Variants in VWA3B observed in about 807,000 individuals in gnomAD.
VWA3B encodes von Willebrand factor A domain containing 3B, also known as von Willebrand factor A domain-containing protein 3B.
Under a neutral mutation model 158.3 loss-of-function variants are expected in VWA3B, and 138 were observed. The observed-to-expected ratio is 0.87, with a 90% CI of 0.76 to 1.00. VWA3B has a LOEUF of 1.00. Ranked by LOEUF, VWA3B falls within the 50% of genes least tolerant of loss-of-function variation. The probability of loss-of-function intolerance (pLI) is 0.00; values close to 1 mark genes in which losing one functional copy is unlikely to be tolerated. For synonymous variants in VWA3B, 596 were observed against 587.3 expected (o/e 1.01, Z -0.21); for missense variants, 1,555 against 1,565.1 (o/e 0.99, Z 0.11).
intron 8 of VWA3B, among the ~76,000 whole-genome samples, chr2:98,166,803 C>T (rs1408177618): frequency 1.3e-5 from 2 of 151,414 alleles, no homozygotes; most frequent in Admixed American, 1.3e-4. Context: ...ATCTAATACA[C>T]ACACACACAC....
Position 98,184,632 on chromosome 2 carries a change from G to A in VWA3B, c.1312-3343G>A, listed in dbSNP as rs767169618. On this transcript the variant is annotated intron_variant, in intron 9 of 27. Transcript: ENST00000477737. ...CTGACTCCTAAAATCCCCCCACCCCGCCCTCTGGGCGCATCATCAGCAAAC... is the reference window on the plus strand; with the variant it reads ...CTGACTCCTAAAATCCCCCCACCCCACCCTCTGGGCGCATCATCAGCAAAC... Among the ~76,000 whole-genome samples, 10 of 152,136 alleles carry A rather than the reference G, an allele frequency of 6.6e-5. No homozygotes were observed. The East Asian group carries it at 1.2e-3, about 18-fold the overall frequency.
At chr2:98,236,293 T>C (rs1685671940) in intron 17 of VWA3B, 97 bp from the exon 18 acceptor site, 5 of 1,294,556 alleles carry the variant, frequency 3.9e-6, no homozygotes, top group Admixed American at 2.0e-5. Context: ...TTATTAGCTC[T>C]CAGTCACAGC....
intron 2 of VWA3B, among the ~76,000 whole-genome samples, chr2:98,108,030 G>A (rs1382809145): frequency 2.0e-5 from 3 of 151,846 alleles, no homozygotes. Context: ...CAGTGCTTTA[G>A]CAATGTCTCA....
At chr2:98,194,298 C>T in intron 11 of VWA3B, 63 bp from the exon 12 acceptor site, 1 of 1,545,690 alleles carries the variant, frequency 6.5e-7, no homozygotes, top group Non-Finnish European at 8.8e-7. Flanking sequence ...CAAACTGTGG[C>T]CTACCCAAAC....
chr2:98,213,919 G>A lies in VWA3B; in HGVS notation c.1836+1891G>A, dbSNP rs143056538. 1.2e-4 allele frequency among the ~76,000 whole-genome samples: 18 copies of A among 152,216 alleles called. 1 individual carries two copies. In the East Asian group the frequency reaches 3.5e-3, roughly 29 times the overall value. Reference sequence around the variant, plus strand: ...AAAAGGAGAAAATGTGGTTGGGTGGGGAGGCCCACTCCTGTAATCTCAACA... The same window carrying A: ...AAAAGGAGAAAATGTGGTTGGGTGGAGAGGCCCACTCCTGTAATCTCAACA... On this transcript the variant is annotated intron_variant, in intron 13 of 27. Transcript: ENST00000477737.
intron 25 of VWA3B, among the ~76,000 whole-genome samples, chr2:98,302,894 G>A (rs1401504622): frequency 1.3e-5 from 2 of 152,154 alleles, no homozygotes; most frequent in South Asian, 2.1e-4. Flanking sequence ...CAGAGCCAGC[G>A]GCCACTGGAG....
At chr2:98,123,731 C>T (rs796465746) in intron 5 of VWA3B, among the ~76,000 whole-genome samples, 71 of 152,208 alleles carry the variant, frequency 4.7e-4, no homozygotes, top group Non-Finnish European at 6.2e-4. Context: ...GTGTGTGGAC[C>T]GGCACAGAGT....
chr2:98,222,974 A>G lies in VWA3B; in HGVS notation c.2019+4946A>G, dbSNP rs116466671. Among the ~76,000 whole-genome samples the G allele has an allele frequency of 6.8e-3, 1,042 of 152,346 alleles. 10 individuals are homozygous for G. Among genetic ancestry groups the G allele is most frequent in the African/African-American group, 0.024 (993 of 41,572 alleles). On this transcript the variant is annotated intron_variant, in intron 14 of 27. Coordinates refer to ENST00000477737, the MANE Select transcript of VWA3B (RefSeq NM_144992.5). ...AAGAGCCAAGAAAGCCCCAATTTGA[A>G]TGAGAAATGACAAACAAATGATGCC...
intron 21 of VWA3B, among the ~76,000 whole-genome samples, chr2:98,267,154 G>A: frequency 2.0e-5 from 3 of 151,146 alleles, no homozygotes; most frequent in Non-Finnish European, 4.4e-5. Flanking sequence ...TCCAGTTTTT[G>A]CCCATTCAGT....
intron 7 of VWA3B, among the ~76,000 whole-genome samples, chr2:98,144,163 A>G (rs1676995165): frequency 6.6e-6 from 1 of 152,168 alleles, no homozygotes; most frequent in East Asian, 1.9e-4. Context: ...ATGGATGGAT[A>G]TATATGTATG....
intron 7 of VWA3B, among the ~76,000 whole-genome samples, chr2:98,138,790 G>A (rs919614299): frequency 2.0e-5 from 3 of 152,230 alleles, no homozygotes; most frequent in Non-Finnish European, 2.9e-5. Context: ...GTACGTGGCG[G>A]TTGTCTCAGC....
At chr2:98,206,560 T>C in intron 12 of VWA3B, 1 of 493,570 alleles carries the variant, frequency 2.0e-6, no homozygotes. Context: ...CTGTTGGTCC[T>C]GAGACTTTGA....
intron 9 of VWA3B, 130 bp downstream of exon 9, chr2:98,181,342 A>G (rs976948263): frequency 1.0e-6 from 1 of 988,012 alleles, no homozygotes; most frequent in South Asian, 1.7e-5. Context: ...TCTGTGAAGA[A>G]CAGGGTTCCT....
intron 23 of VWA3B, among the ~76,000 whole-genome samples, chr2:98,293,813 G>A (rs1397897634): frequency 6.6e-6 from 1 of 152,044 alleles, no homozygotes; most frequent in Non-Finnish European, 1.5e-5. Flanking sequence ...TTTAATCTAT[G>A]TATTTTGATT....
intron 7 of VWA3B, among the ~76,000 whole-genome samples, chr2:98,153,754 C>A (rs941579255): frequency 6.6e-6 from 1 of 152,232 alleles, no homozygotes; most frequent in African/African-American, 2.4e-5. Flanking sequence ...GGAGCCGGAG[C>A]GGCTGTGCAT....
At chr2:98,163,815 C>T (rs1472981039) in intron 8 of VWA3B, among the ~76,000 whole-genome samples, 4 of 151,972 alleles carry the variant, frequency 2.6e-5, no homozygotes, top group Admixed American at 1.3e-4. Context: ...ACGGTGGGAA[C>T]GAGGATGTGG....
chr2:98,235,536 C>T (rs1685624505), intron 17 of VWA3B, among the ~76,000 whole-genome samples: 1 of 152,054 alleles, frequency 6.6e-6, no homozygotes, highest in South Asian at 2.1e-4. Context: ...AGTAATTCTC[C>T]TGCCTCAGCC....
chr2:98,243,586 G>A (rs1017095845), intron 19 of VWA3B, among the ~76,000 whole-genome samples: 58 of 152,054 alleles, frequency 3.8e-4, no homozygotes, highest in African/African-American at 1.4e-3. Context: ...CACCTGCCTC[G>A]CTCTTCCAAA....
chr2:98,262,323 C>G (rs867155928), intron 21 of VWA3B, among the ~76,000 whole-genome samples: 7 of 151,910 alleles, frequency 4.6e-5, no homozygotes, highest in Middle Eastern at 6.8e-3. Context: ...CTTTTGCTGC[C>G]TACACTTTTG....
Sources: allele counts gnomAD v4.1 joint callset (sites outside exome capture counted in the v4.1 genomes callset), GRCh38; gene constraint gnomAD v4.1.1; transcripts MANE v1.5; gene names NCBI Gene and HGNC (gene_info 2026-07-23, HGNC 2026-07-21).